PDE9A: variants seen among roughly 807,000 people sequenced by gnomAD.
PDE9A encodes high affinity cGMP-specific 3',5'-cyclic phosphodiesterase 9A.
Under a neutral mutation model 87.4 loss-of-function variants are expected in PDE9A, and 60 were observed. The ratio of observed to expected loss-of-function variants is 0.69; its 90% CI spans 0.56 to 0.85. PDE9A has a LOEUF of 0.85. PDE9A is among the 40% of genes least tolerant of loss of function. The pLI is 0.00. For missense variants in PDE9A, 665 were observed against 779.0 expected (o/e 0.85, Z 1.74); for synonymous variants, 272 against 279.4 (o/e 0.97, Z 0.27).
rs115717898 is a variant in PDE9A, at chr21:42,674,175, C to G, written c.70-12017C>G. ...GTGGTCTGAGTGGCCCAAGCAGGAC[C>G]CCTGCCCAGGCTCACTGGACTCTCC... On this transcript the variant is annotated intron_variant, in intron 1 of 19. Coordinates refer to ENST00000291539, the MANE Select transcript of PDE9A (RefSeq NM_002606.3). Among the ~76,000 whole-genome samples the G allele has an allele frequency of 9.3e-3, 1,410 of 152,258 alleles. 31 individuals are homozygous for G. Among genetic ancestry groups the G allele is most frequent in the African/African-American group, 0.033 (1,353 of 41,530 alleles).
In PDE9A at chr21:42,665,141, G is replaced by C. The variant is rs181500294; in HGVS notation, c.69+11258G>C. Among the ~76,000 whole-genome samples the C allele has an allele frequency of 1.2e-3, 182 of 152,342 alleles. 1 individual carries two copies. The highest frequency in any genetic ancestry group is 4.2e-3 in the African/African-American group (174 of 41,562). The stretch of plus-strand genomic sequence containing the variant: ...CAGGCCATGTAAAGACAGACTCAGA[G>C]ACCAGAGTGATGCATGTACAAGCCA... On this transcript the variant is annotated intron_variant, in intron 1 of 19. Coordinates refer to ENST00000291539, the MANE Select transcript of PDE9A (RefSeq NM_002606.3).
At chr21:42,676,944 T>A (rs1031130602) in intron 1 of PDE9A, among the ~76,000 whole-genome samples, 2 of 152,238 alleles carry the variant, frequency 1.3e-5, no homozygotes, top group African/African-American at 4.8e-5. Context: ...GCTGTGTGAA[T>A]ACAGCAGGGC....
chr21:42,731,663 C>T (rs1180449042), intron 4 of PDE9A, 107 bp from the exon 5 acceptor site: 26 of 1,130,030 alleles, frequency 2.3e-5, no homozygotes, highest in Non-Finnish European at 3.0e-5. Flanking sequence ...TGAATTGAGA[C>T]GTGCCTTGCA....
At chr21:42,670,358 C>T (rs114436313) in intron 1 of PDE9A, among the ~76,000 whole-genome samples, 18 of 124,778 alleles carry the variant, frequency 1.4e-4, no homozygotes, top group African/African-American at 4.7e-4. Context: ...ACACACACAT[C>T]CACACACACA....
rs566650536 is a variant in PDE9A, at chr21:42,662,103, G to C, written c.69+8220G>C. Among the ~76,000 whole-genome samples the C allele has an allele frequency of 2.6e-5, 4 of 152,302 alleles. No individual in the cohort carries two copies. In the South Asian group the frequency reaches 8.3e-4, roughly 32 times the overall value. Reference sequence around the variant, plus strand: ...GTGGGCTAATACGCGTCAAATGCTAGAACACACTGGCACTTGGTAAATGCT... The same window carrying C: ...GTGGGCTAATACGCGTCAAATGCTACAACACACTGGCACTTGGTAAATGCT... On this transcript the variant is annotated intron_variant, in intron 1 of 19. Coordinates refer to ENST00000291539, the MANE Select transcript of PDE9A (RefSeq NM_002606.3).
chr21:42,677,454 T>A (rs1046114291), intron 1 of PDE9A, among the ~76,000 whole-genome samples: 3 of 152,116 alleles, frequency 2.0e-5, no homozygotes, highest in African/African-American at 7.2e-5. Context: ...CTTTATGGGG[T>A]CATCTCTCCG....
chr21:42,665,637 A>C (rs2057911442), intron 1 of PDE9A, among the ~76,000 whole-genome samples: 1 of 152,098 alleles, frequency 6.6e-6, no homozygotes, highest in African/African-American at 2.4e-5. Context: ...GCCCTTGCTG[A>C]ATGTCCCCGC....
At chr21:42,772,130 G>A (rs2276240) in intron 18 of PDE9A, among the ~76,000 whole-genome samples, 51,950 of 152,010 alleles carry the variant, frequency 0.34, 9,086 homozygotes, top group Middle Eastern at 0.46. Flanking sequence ...GGAGAGACAC[G>A]CCAAAGAGGT....
intron 2 of PDE9A, among the ~76,000 whole-genome samples, chr21:42,686,905 G>T (rs1016356325): frequency 3.3e-5 from 5 of 152,146 alleles, no homozygotes; most frequent in African/African-American, 1.2e-4. Flanking sequence ...GTGTGTGTTT[G>T]GTCCCCAGCC....
intron 4 of PDE9A, among the ~76,000 whole-genome samples, chr21:42,711,809 T>C (rs1486913501): frequency 2.0e-5 from 3 of 152,174 alleles, no homozygotes; most frequent in Non-Finnish European, 4.4e-5. Context: ...GCACCACTTG[T>C]TAAAAAGACT....
chr21:42,768,573 G>C (rs2056618954), intron 16 of PDE9A: 7 of 985,310 alleles, frequency 7.1e-6, no homozygotes, highest in Non-Finnish European at 7.2e-6. Flanking sequence ...CAAACAAATT[G>C]CCTGAAAGTC....
chr21:42,662,975 TCA>T (rs934252478), intron 1 of PDE9A, among the ~76,000 whole-genome samples: 10 of 106,530 alleles, frequency 9.4e-5, no homozygotes, highest in East Asian at 2.8e-4. Flanking sequence ...GCCACGCGCC[TCA>T]CACACAAGAA....
chr21:42,726,454 G>T (rs62213365), intron 4 of PDE9A, among the ~76,000 whole-genome samples: 1 of 150,572 alleles, frequency 6.6e-6, no homozygotes. Context: ...TTACATCTGT[G>T]GTCCACTTTG....
intron 4 of PDE9A, among the ~76,000 whole-genome samples, chr21:42,717,535 C>T (rs1469197906): frequency 1.6e-5 from 2 of 125,664 alleles, no homozygotes; most frequent in East Asian, 2.5e-4. Flanking sequence ...GAGAGTGAGA[C>T]TCCATCTCAA....
intron 7 of PDE9A, among the ~76,000 whole-genome samples, chr21:42,740,603 A>T (rs929791230): frequency 1.9e-5 from 2 of 107,348 alleles, no homozygotes; most frequent in African/African-American, 7.3e-5. Flanking sequence ...GGATGGATGG[A>T]TGGATGGATG....
At chr21:42,758,608 G>A (rs2055329964) in intron 10 of PDE9A, 1 of 202,816 alleles carries the variant, frequency 4.9e-6, no homozygotes, top group Non-Finnish European at 1.0e-5. Flanking sequence ...ATATTGATCC[G>A]CTGAGATTGT....
intron 8 of PDE9A, among the ~76,000 whole-genome samples, chr21:42,748,783 G>A (rs1001327232): frequency 1.3e-5 from 2 of 152,090 alleles, no homozygotes; most frequent in East Asian, 1.9e-4. Context: ...TTTAACCAGC[G>A]TACAGCTCAT....
At position 42,732,132 on chromosome 21, in the gene PDE9A, G is replaced by C. The variant is rs778950669; in HGVS notation, c.497+8G>C. On this transcript the variant is annotated splice_region_variant and intron_variant, in intron 6 of 19. Transcript: ENST00000291539. Reference sequence around the variant, plus strand: ...TGCAGAGCAGTTCTCAAGGTACAGAGTCTTCTAAACTTACAACCAGCCAGA... The same window carrying C: ...TGCAGAGCAGTTCTCAAGGTACAGACTCTTCTAAACTTACAACCAGCCAGA... 2 of 1,613,170 alleles carry C rather than the reference G, an allele frequency of 1.2e-6. No individual in the cohort carries two copies. The highest frequency in any genetic ancestry group is 8.5e-7 in the Non-Finnish European group (1 of 1,179,270).
rs749286231 is a variant in PDE9A, at chr21:42,759,119, G to T, written c.897+34G>T. 1 of 1,516,530 alleles carries T rather than the reference G, an allele frequency of 6.6e-7. No homozygotes were observed. The highest frequency in any genetic ancestry group is 2.3e-5 in the East Asian group (1 of 44,408). 93.9% of individuals were successfully genotyped at this position (1,516,530 alleles called of 1,614,324 possible). A position where few individuals can be genotyped will look rare whatever the true frequency, so the allele number is the denominator to read the frequency against. ...CAAACCCGCCTTCGGTTCTTCCTGG[G>T]CACGTGGTTTCATCCAGTTCCACAG... On this transcript the variant is annotated intron_variant, in intron 11 of 19. Transcript: ENST00000291539. This position sits in a 1 kb window ranked among gnomAD's most constrained non-coding sequence, Gnocchi z 7.2.
Sources: gnomAD v4.1 joint callset for allele counts (sites outside exome capture counted in the v4.1 genomes callset) on GRCh38, gnomAD v4.1.1 for gene constraint, Gnocchi (gnomAD v3.1) non-coding constraint, MANE v1.5 for transcripts, NCBI Gene and HGNC (gene_info 2026-07-23, HGNC 2026-07-21) for gene names.